TRIM2: variants seen among roughly 807,000 people sequenced by gnomAD.
TRIM2 encodes tripartite motif containing 2.
In TRIM2, 20 loss-of-function variants were observed where a neutral mutation model predicts 75.2. The ratio of observed to expected loss-of-function variants is 0.27; its 90% CI spans 0.19 to 0.39. The LOEUF is 0.39. Ranked by LOEUF, TRIM2 falls within the 10% of genes least tolerant of loss-of-function variation. TRIM2 has a pLI of 1.00. For synonymous variants in TRIM2, 373 were observed against 388.3 expected (o/e 0.96, Z 0.46); for missense variants, 660 against 990.8 (o/e 0.67, Z 4.48).
In TRIM2 at chr4:153,244,392, TC is replaced by T. The variant is rs1285148748; in HGVS notation, c.31-25942del. On this transcript the variant is annotated intron_variant, in intron 1 of 11. Coordinates refer to ENST00000338700, the MANE Select transcript of TRIM2 (RefSeq NM_015271.5). ...TTCTTCTTCTTCTTCTTCTTCTTCTTCTTCTTCTTCTTCTTCTTCTTCTTCT... is the reference window on the plus strand; with the variant it reads ...TTCTTCTTCTTCTTCTTCTTCTTCTTTTCTTCTTCTTCTTCTTCTTCTTCT... Among the ~76,000 whole-genome samples, 65 of 80,558 alleles carry T rather than the reference TC, an allele frequency of 8.1e-4. 5 individuals carry two copies. Among genetic ancestry groups the T allele is most frequent in the Middle Eastern group, 4.6e-3 (1 of 216 alleles). 52.8% of individuals were successfully genotyped at this position (80,558 alleles called of 152,430 possible). A position where few individuals can be genotyped will look rare whatever the true frequency, so the allele number is the denominator to read the frequency against.
rs370682320 is a variant in TRIM2 at position 153,264,783 on chromosome 4, T to C, written c.31-5552T>C. Among the ~76,000 whole-genome samples the C allele has an allele frequency of 5.6e-4, 86 of 152,328 alleles. 1 individual carries two copies. Among genetic ancestry groups the C allele is most frequent in the African/African-American group, 2.0e-3 (82 of 41,566 alleles). On this transcript the variant is annotated intron_variant, in intron 1 of 11. Coordinates refer to ENST00000338700, the MANE Select transcript of TRIM2 (RefSeq NM_015271.5). The stretch of plus-strand genomic sequence containing the variant: ...ATTAGGAGTAGTCAAATGTTCTTCC[T>C]AGTGTGGGTATCCAGGGAAGGATCA...
At position 153,337,874 on chromosome 4, in the gene TRIM2, A is replaced by G; in HGVS notation, c.*2908A>G. The G allele has an allele frequency of 1.0e-6, 1 of 985,804 alleles. No individual in the cohort carries two copies. The allele number at this position is 985,804 out of a possible 1,614,324, so 61.1% of individuals were successfully genotyped here. On this transcript the variant is annotated 3_prime_UTR_variant, in exon 12 of 12. Coordinates refer to ENST00000338700, the MANE Select transcript of TRIM2 (RefSeq NM_015271.5). The stretch of plus-strand genomic sequence containing the variant: ...GCCGGTTGGGATTTCAAGGTCAGTG[A>G]CGACGCATTTCCTCCCAGTACAGAC...
At position 153,295,305 on chromosome 4, in the gene TRIM2, T is replaced by G; in HGVS notation, c.787-8T>G. 1 of 1,576,378 alleles carries G rather than the reference T, an allele frequency of 6.3e-7. No homozygotes were observed. The highest frequency in any genetic ancestry group is 8.6e-7 in the Non-Finnish European group (1 of 1,161,398). ...GACGAGCTCACCAGGCCTCCGGTTT[T>G]CCCGCAGGTCCTCCAGTCGCAGCTG... On this transcript the variant is annotated splice_region_variant and splice_polypyrimidine_tract_variant and intron_variant, in intron 5 of 11. Transcript: ENST00000338700. This position sits in a 1 kb window ranked among gnomAD's most constrained non-coding sequence, Gnocchi z 7.2.
At position 153,335,804 on chromosome 4, in the gene TRIM2, A is replaced by G. The variant is rs1772383400; in HGVS notation, c.*838A>G. On this transcript the variant is annotated 3_prime_UTR_variant, in exon 12 of 12. Coordinates refer to ENST00000338700, the MANE Select transcript of TRIM2 (RefSeq NM_015271.5). ...GAAAGTTAGTCATGTTTTATGTACC[A>G]TGTTTTCACACGTGTCTCTTCTCTT... The G allele has an allele frequency of 3.0e-6, 3 of 985,880 alleles. No homozygotes were observed. Among genetic ancestry groups the G allele is most frequent in the Non-Finnish European group, 3.6e-6 (3 of 829,934 alleles). 61.1% of individuals were successfully genotyped at this position (985,880 alleles called of 1,614,324 possible). A position where few individuals can be genotyped will look rare whatever the true frequency, so the allele number is the denominator to read the frequency against.
intron 1 of TRIM2, among the ~76,000 whole-genome samples, chr4:153,197,925 A>T (rs893178287): frequency 6.6e-6 from 1 of 152,138 alleles, no homozygotes; most frequent in African/African-American, 2.4e-5. Flanking sequence ...TGCCCCTTCT[A>T]CCTTGTGAGG....
At position 153,159,321 on chromosome 4, in the gene TRIM2, A is replaced by G. The variant is rs1297387992; in HGVS notation, c.-49+6051A>G. On this transcript the variant is annotated intron_variant, in intron 1 of 11. Transcript: ENST00000437508. ...CTTTTTTTTTTTTTTTTTTTTTTGT[A>G]GAGACAGTATCTTACTCTGTTGTTG... Among the ~76,000 whole-genome samples, 9 of 15,266 alleles carry G rather than the reference A, an allele frequency of 5.9e-4. 1 individual carries two copies. In the South Asian group the frequency reaches 0.011, roughly 19 times the overall value. The allele number at this position is 15,266 out of a possible 152,430, so 10.0% of individuals were successfully genotyped here.
rs1749770720 is a variant in TRIM2, at chr4:153,248,016, G to C, written c.31-22319G>C. Among the ~76,000 whole-genome samples the C allele has an allele frequency of 7.9e-6, 1 of 126,520 alleles. No individual in the cohort carries two copies. The highest frequency in any genetic ancestry group is 1.6e-5 in the Non-Finnish European group (1 of 62,420). The allele number at this position is 126,520 out of a possible 152,430, so 83.0% of individuals were successfully genotyped here. On this transcript the variant is annotated intron_variant, in intron 1 of 11. Coordinates refer to ENST00000338700, the MANE Select transcript of TRIM2 (RefSeq NM_015271.5). The surrounding 1 kb of genome is among the most constrained non-coding windows in gnomAD (Gnocchi z 4.0). Reference sequence around the variant, plus strand: ...ATGTGTTTTTTTTTTTTTTTTTTGAGATGGAGTCTCGCTCTGTCCCCCAGG... The same window carrying C: ...ATGTGTTTTTTTTTTTTTTTTTTGACATGGAGTCTCGCTCTGTCCCCCAGG...
At chr4:153,304,121 T>C (rs1163406757) in intron 6 of TRIM2, among the ~76,000 whole-genome samples, 1 of 152,142 alleles carries the variant, frequency 6.6e-6, no homozygotes, top group Non-Finnish European at 1.5e-5. Context: ...TCTTTCTTTC[T>C]TTCTTTTTTT....
At chr4:153,167,950 G>A (rs540748129) in intron 1 of TRIM2, among the ~76,000 whole-genome samples, 1 of 152,298 alleles carries the variant, frequency 6.6e-6, no homozygotes, top group Admixed American at 6.5e-5. Context: ...ACACATAAGT[G>A]TTGGATAACA....
chr4:153,316,895 T>TTTTTTTTTTTTTTG, intron 8 of TRIM2, among the ~76,000 whole-genome samples: 1 of 141,212 alleles, frequency 7.1e-6, no homozygotes, highest in African/African-American at 2.7e-5. Flanking sequence ...TTTTTTTTTT[T>TTTTTTTTTTTTTTG]TTTGAGACGG....
chr4:153,314,281 G>A (rs367685053), intron 6 of TRIM2, among the ~76,000 whole-genome samples: 8 of 145,344 alleles, frequency 5.5e-5, no homozygotes, highest in East Asian at 1.9e-4. Flanking sequence ...TTAGCCGGGC[G>A]TAGTGGCGGG....
intron 6 of TRIM2, among the ~76,000 whole-genome samples, chr4:153,311,836 A>G (rs950919884): frequency 1.3e-4 from 20 of 151,278 alleles, no homozygotes; most frequent in Non-Finnish European, 5.9e-5. Flanking sequence ...CTGTGATTAC[A>G]GGCACGAGCT....
At chr4:153,236,348 T>C (rs541192276) in intron 1 of TRIM2, among the ~76,000 whole-genome samples, 38 of 152,276 alleles carry the variant, frequency 2.5e-4, no homozygotes, top group African/African-American at 9.1e-4. Context: ...CCTCATACCA[T>C]GGAAAACTAG....
At chr4:153,327,074 GCA>G (rs1279666709) in intron 10 of TRIM2, among the ~76,000 whole-genome samples, 1 of 151,892 alleles carries the variant, frequency 6.6e-6, no homozygotes, top group East Asian at 1.9e-4. Flanking sequence ...ATTGTGTCCA[GCA>G]TAAACATGTT....
At chr4:153,262,958 T>C (rs1350945989) in intron 1 of TRIM2, among the ~76,000 whole-genome samples, 2 of 152,216 alleles carry the variant, frequency 1.3e-5, no homozygotes, top group Non-Finnish European at 2.9e-5. Context: ...CTGTTTCTTT[T>C]TCTGCATCTA....
At chr4:153,199,936 G>T (rs1269078968), upstream of TRIM2, among the ~76,000 whole-genome samples, 1 of 127,976 alleles carries the variant, frequency 7.8e-6, no homozygotes, top group Admixed American at 8.2e-5. Context: ...ACCATGGCCA[G>T]CTAATTTTTT....
rs1254319250 is a variant in TRIM2, at chr4:153,336,985, A to C, written c.*2019A>C. On this transcript the variant is annotated 3_prime_UTR_variant, in exon 12 of 12. Transcript: ENST00000338700. ...ATTTAAACATTCATATTTACTGAGT[A>C]CCTACTAGGTACCAAGTACTCTTTT... 1 of 982,014 alleles carries C rather than the reference A, an allele frequency of 1.0e-6. No individual in the cohort carries two copies. Among genetic ancestry groups the C allele is most frequent in the Non-Finnish European group, 1.2e-6 (1 of 826,976 alleles). The allele number at this position is 982,014 out of a possible 1,614,324, so 60.8% of individuals were successfully genotyped here. A position where few individuals can be genotyped will look rare whatever the true frequency, so the allele number is the denominator to read the frequency against.
At chr4:153,253,812 A>G (rs1303495250) in intron 1 of TRIM2, among the ~76,000 whole-genome samples, 1 of 152,130 alleles carries the variant, frequency 6.6e-6, no homozygotes, top group Non-Finnish European at 1.5e-5. Flanking sequence ...GTTACCCTAT[A>G]TGTTCGAGAA....
chr4:153,220,651 C>T (rs78284418), intron 1 of TRIM2, among the ~76,000 whole-genome samples: 1,839 of 152,216 alleles, frequency 0.012, 36 homozygotes, highest in African/African-American at 0.041. Flanking sequence ...AGTATATATA[C>T]ATTTTGATGT....
Sources: allele counts gnomAD v4.1 joint callset (sites outside exome capture counted in the v4.1 genomes callset), GRCh38; gene constraint gnomAD v4.1.1; non-coding constraint Gnocchi (gnomAD v3.1); transcripts MANE v1.5; gene names NCBI Gene and HGNC (gene_info 2026-07-23, HGNC 2026-07-21).